CFAP90: variants seen among roughly 807,000 people sequenced by gnomAD.
CFAP90 encodes cilia and flagella associated protein 90.
the CFAP90 span, among the ~76,000 whole-genome samples, chr5:7,844,059 C>G: frequency 6.6e-6 from 1 of 152,182 alleles, no homozygotes; most frequent in East Asian, 1.9e-4. Context: ...CCTGCCTCCC[C>G]TTTCACTCAT....
At chr5:7,839,652 A>G in the CFAP90 span, among the ~76,000 whole-genome samples, 1 of 152,212 alleles carries the variant, frequency 6.6e-6, no homozygotes, top group Non-Finnish European at 1.5e-5. Flanking sequence ...TATAAAAGTA[A>G]CCACTATGAG....
the CFAP90 span, chr5:7,835,419 T>C: frequency 8.7e-6 from 14 of 1,606,622 alleles, no homozygotes; most frequent in Non-Finnish European, 1.2e-5. Flanking sequence ...TTTTGCATGT[T>C]CTCTGTCATC....
chr5:7,851,003 C>T, the CFAP90 span: 19 of 1,276,398 alleles, frequency 1.5e-5, no homozygotes, highest in Non-Finnish European at 1.8e-5. Flanking sequence ...GCGGTGGTCT[C>T]CTCCTCGTCG....
chr5:7,843,823 A>T, the CFAP90 span, among the ~76,000 whole-genome samples: 14 of 152,186 alleles, frequency 9.2e-5, no homozygotes, highest in African/African-American at 3.4e-4. Context: ...AAAAACTAAG[A>T]TATGTTATTA....
the CFAP90 span, chr5:7,835,503 G>GAA: frequency 1.4e-4 from 208 of 1,454,212 alleles, no homozygotes; most frequent in Admixed American, 3.7e-4. Context: ...TCCTGTCTAG[G>GAA]AAAAAAAAGA....
At chr5:7,837,740 A>G in the CFAP90 span, among the ~76,000 whole-genome samples, 2 of 152,258 alleles carry the variant, frequency 1.3e-5, no homozygotes, top group African/African-American at 4.8e-5. Flanking sequence ...TGAGCCGTCT[A>G]GTAAGGAAAC....
the CFAP90 span, among the ~76,000 whole-genome samples, chr5:7,836,253 T>C: frequency 6.6e-6 from 1 of 152,238 alleles, no homozygotes; most frequent in Non-Finnish European, 1.5e-5. Flanking sequence ...TCATTTCTAC[T>C]TGTCTTGTGT....
At chr5:7,835,432 G>C in the CFAP90 span, 1 of 1,607,526 alleles carries the variant, frequency 6.2e-7, no homozygotes, top group Non-Finnish European at 8.5e-7. Flanking sequence ...CTGTCATCTC[G>C]GTGCAACTTC....
the CFAP90 span, among the ~76,000 whole-genome samples, chr5:7,841,774 A>T: frequency 6.6e-6 from 1 of 152,196 alleles, no homozygotes; most frequent in African/African-American, 2.4e-5. Context: ...GGGCTAAATG[A>T]TAAAAACATA....
the CFAP90 span, among the ~76,000 whole-genome samples, chr5:7,838,015 A>C: frequency 6.6e-6 from 1 of 152,158 alleles, no homozygotes; most frequent in African/African-American, 2.4e-5. Flanking sequence ...GTTCATGTCA[A>C]ACCACCCTGG....
the CFAP90 span, among the ~76,000 whole-genome samples, chr5:7,843,919 G>A: frequency 2.0e-5 from 3 of 151,988 alleles, no homozygotes; most frequent in Admixed American, 6.5e-5. Flanking sequence ...CATTAGATAC[G>A]TATCTCGACA....
At chr5:7,832,648 C>T in the CFAP90 span, among the ~76,000 whole-genome samples, 1 of 152,090 alleles carries the variant, frequency 6.6e-6, no homozygotes, top group Non-Finnish European at 1.5e-5. Context: ...CCACCACGCT[C>T]GGCTAGTTTT....
the CFAP90 span, chr5:7,831,635 T>G: frequency 1.0e-5 from 5 of 478,566 alleles, no homozygotes; most frequent in Admixed American, 3.5e-5. Flanking sequence ...ACTCTTCACA[T>G]GTACTAAAGG....
At chr5:7,844,540 G>A in the CFAP90 span, among the ~76,000 whole-genome samples, 3 of 152,044 alleles carry the variant, frequency 2.0e-5, no homozygotes, top group African/African-American at 7.2e-5. Flanking sequence ...ACATTTAGTG[G>A]GAGAAAACAA....
chr5:7,833,380 T>C, the CFAP90 span, among the ~76,000 whole-genome samples: 1 of 67,772 alleles, frequency 1.5e-5, no homozygotes, highest in Non-Finnish European at 3.3e-5. Flanking sequence ...TATACACACA[T>C]AATATATACA....
the CFAP90 span, among the ~76,000 whole-genome samples, chr5:7,836,031 G>C: frequency 6.6e-6 from 1 of 152,064 alleles, no homozygotes; most frequent in Admixed American, 6.5e-5. Context: ...TCACATGCTG[G>C]AAGGGCAAAC....
At chr5:7,849,855 TAGTCCCGGC>T in the CFAP90 span, among the ~76,000 whole-genome samples, 1 of 152,080 alleles carries the variant, frequency 6.6e-6, no homozygotes, top group East Asian at 1.9e-4. Flanking sequence ...CATCCGGGCG[TAGTCCCGGC>T]AGCAAGGCCT....
chr5:7,849,486 C>G, the CFAP90 span, among the ~76,000 whole-genome samples: 1 of 152,176 alleles, frequency 6.6e-6, no homozygotes, highest in Admixed American at 6.5e-5. Context: ...GTCCCAGTTA[C>G]GCCTGCAGGC....
the CFAP90 span, among the ~76,000 whole-genome samples, chr5:7,836,054 G>A: frequency 1.3e-5 from 2 of 152,056 alleles, no homozygotes; most frequent in South Asian, 2.1e-4. Flanking sequence ...GCCCCCTCAC[G>A]CTTCTTTTAT....
Sources: allele counts gnomAD v4.1 joint callset (sites outside exome capture counted in the v4.1 genomes callset), GRCh38; gene constraint gnomAD v4.1.1; transcripts MANE v1.5; gene names NCBI Gene and HGNC (gene_info 2026-07-23, HGNC 2026-07-21).